Variants in COL20A1 observed in about 807,000 individuals in gnomAD.
COL20A1 encodes collagen alpha-1(XX) chain.
In COL20A1, 164 loss-of-function variants were observed where a neutral mutation model predicts 152.9. The ratio of observed to expected loss-of-function variants is 1.07; its 90% CI spans 0.94 to 1.22. The LOEUF (loss-of-function observed/expected upper bound fraction) is 1.22. Ranked by LOEUF, COL20A1 falls within the 50% of genes most tolerant of loss-of-function variation. COL20A1 has a pLI of 0.00. For synonymous variants in COL20A1, 864 were observed against 756.0 expected (o/e 1.14, Z -2.34); for missense variants, 1,873 against 1,744.8 (o/e 1.07, Z -1.31).
At position 63,310,065 on chromosome 20, in the gene COL20A1, C is replaced by A. The variant is rs1446417157; in HGVS notation, c.1263+150C>A. On this transcript the variant is annotated intron_variant, in intron 10 of 35. Coordinates refer to ENST00000358894, the MANE Select transcript of COL20A1 (RefSeq NM_020882.4). ...GAGGGGCTGACAGCCCAGGGACTCA[C>A]TGGGGAGCTGCGTCTGGGAGGCAGC... 5 of 816,182 alleles carry A rather than the reference C, an allele frequency of 6.1e-6. No individual in the cohort carries two copies. In the East Asian group the frequency reaches 1.4e-4, roughly 22 times the overall value. The allele number at this position is 816,182 out of a possible 1,614,324, so 50.6% of individuals were successfully genotyped here.
chr20:63,316,483 C>A, intron 20 of COL20A1, 70 bp from the exon 21 acceptor site: 1 of 1,411,718 alleles, frequency 7.1e-7, no homozygotes, highest in South Asian at 1.3e-5. Flanking sequence ...GTCCCCGCTC[C>A]TGCCCCTTCC....
chr20:63,330,226 G>T (rs749518389), intron 35 of COL20A1, among the ~76,000 whole-genome samples: 1 of 152,152 alleles, frequency 6.6e-6, no homozygotes, highest in Non-Finnish European at 1.5e-5. Context: ...CAGCAGGTGT[G>T]GGGACAGGGT....
chr20:63,325,200 C>A (rs1297034672), intron 27 of COL20A1: 3 of 669,662 alleles, frequency 4.5e-6, no homozygotes, highest in South Asian at 1.5e-5. Context: ...CTGGCTGTGA[C>A]CCAGAGGGGC....
intron 33 of COL20A1, 54 bp downstream of exon 33, chr20:63,328,181 C>G: frequency 1.2e-6 from 2 of 1,600,450 alleles, no homozygotes; most frequent in Non-Finnish European, 1.7e-6. Context: ...CTGTGCCTAC[C>G]ACACCTGTCT....
chr20:63,294,765 C>T (rs903852143), intron 1 of COL20A1, among the ~76,000 whole-genome samples: 8 of 152,306 alleles, frequency 5.3e-5, no homozygotes, highest in African/African-American at 1.4e-4. Context: ...GCCCCGTGCC[C>T]GTCCCAGCCA....
At position 63,313,393 on chromosome 20, in the gene COL20A1, G is replaced by T. The variant is rs1200839303; in HGVS notation, c.2209+144G>T. The T allele has an allele frequency of 6.4e-6, 6 of 933,956 alleles. No homozygotes were observed. Among genetic ancestry groups the T allele is most frequent in the Non-Finnish European group, 6.3e-6 (4 of 637,646 alleles). The allele number at this position is 933,956 out of a possible 1,614,324, so 57.9% of individuals were successfully genotyped here. ...CCCTGATCACTGGGCCTGGTCGTTG[G>T]AGTCTGCAGCACTTCCTTGAGCTCA... On this transcript the variant is annotated intron_variant, in intron 17 of 35. Transcript: ENST00000358894. This position sits in a 1 kb window ranked among gnomAD's most constrained non-coding sequence, Gnocchi z 5.9.
chr20:63,325,880 C>A (rs1380175725), intron 29 of COL20A1, among the ~76,000 whole-genome samples, 159 bp downstream of exon 29: 3 of 152,054 alleles, frequency 2.0e-5, no homozygotes, highest in Non-Finnish European at 2.9e-5. Flanking sequence ...TGTGGCCTGG[C>A]CAGAAGGCTG....
In COL20A1 at chr20:63,312,670, G is replaced by A. The variant is rs559580853; in HGVS notation, c.1933+121G>A. 2.6e-5 allele frequency: 38 copies of A among 1,465,968 alleles called. No individual in the cohort carries two copies. In the African/African-American group the frequency reaches 4.6e-4, roughly 18 times the overall value. 90.8% of individuals were successfully genotyped at this position (1,465,968 alleles called of 1,614,324 possible). On this transcript the variant is annotated intron_variant, in intron 15 of 35. Transcript: ENST00000358894. The stretch of plus-strand genomic sequence containing the variant: ...CTGGGTCAGTGCTGAGCCAGGTGGG[G>A]ATGGGCACCCGGACGGGTGTGATGG...
intron 2 of COL20A1, among the ~76,000 whole-genome samples, chr20:63,296,599 T>C (rs1288968366): frequency 6.6e-6 from 1 of 152,152 alleles, no homozygotes; most frequent in Non-Finnish European, 1.5e-5. Flanking sequence ...AGTGCCCTGC[T>C]CAGGCCCCAA....
chr20:63,305,637 C>G lies in COL20A1; in HGVS notation c.337+77C>G. On this transcript the variant is annotated intron_variant, in intron 4 of 35. Transcript: ENST00000358894. The surrounding 1 kb of genome is among the most constrained non-coding windows in gnomAD (Gnocchi z 4.9). The stretch of plus-strand genomic sequence containing the variant: ...CCCTCCTCTGGGCTGGGGTCCCACC[C>G]TCCTCCAGGCTGCGTTCCAGCCCCA... 1 of 1,450,272 alleles carries G rather than the reference C, an allele frequency of 6.9e-7. No individual in the cohort carries two copies. Among genetic ancestry groups the G allele is most frequent in the Non-Finnish European group, 9.2e-7 (1 of 1,083,394 alleles). 89.8% of individuals were successfully genotyped at this position (1,450,272 alleles called of 1,614,324 possible). A position where few individuals can be genotyped will look rare whatever the true frequency, so the allele number is the denominator to read the frequency against.
chr20:63,312,904 G>T lies in COL20A1; in HGVS notation c.2046G>T (p.Trp682Cys), dbSNP rs369459285. Residue 682 changes from tryptophan to cysteine, a missense_variant, in exon 16 of 36, where the codon TGG becomes TGT. Trp to Cys is a radical substitution (Grantham distance 215, BLOSUM62 -2). Transcript: ENST00000358894. Reference sequence around the variant, plus strand: ...GCGTGCTTGTCTACCAGATCACGTGGACGCCCCTGGGAGAGGGGAAGGCTC... The same window carrying T: ...GCGTGCTTGTCTACCAGATCACGTGTACGCCCCTGGGAGAGGGGAAGGCTC... ...PSGVLVYQITWTPLGEGKAHE... is the reference protein window; with the variant it reads ...PSGVLVYQITCTPLGEGKAHE... 84 of 1,557,640 alleles carry T rather than the reference G, an allele frequency of 5.4e-5. No homozygotes were observed. The African/African-American group carries it at 1.1e-3, about 20-fold the overall frequency.
intron 6 of COL20A1, 85 bp downstream of exon 6, chr20:63,307,733 C>T (rs887849619): frequency 6.9e-7 from 1 of 1,458,052 alleles, no homozygotes; most frequent in Non-Finnish European, 9.3e-7. Context: ...CTGTGGGGGT[C>T]CCCGTACCAG....
intron 3 of COL20A1, among the ~76,000 whole-genome samples, chr20:63,302,535 G>T (rs1397313807): frequency 6.6e-6 from 1 of 152,124 alleles, no homozygotes; most frequent in African/African-American, 2.4e-5. Context: ...TGGCCAGGCT[G>T]GTCTCGAACT....
chr20:63,323,988 G>A (rs1365235802), intron 27 of COL20A1, among the ~76,000 whole-genome samples: 1 of 152,228 alleles, frequency 6.6e-6, no homozygotes, highest in Non-Finnish European at 1.5e-5. Context: ...CAAAAACACA[G>A]CCATCCTGCC....
In COL20A1 at chr20:63,319,415, GGCC is replaced by G; in HGVS notation, c.2807-68_2807-66del. The G allele has an allele frequency of 1.6e-6, 2 of 1,256,824 alleles. No homozygotes were observed. Among genetic ancestry groups the G allele is most frequent in the Non-Finnish European group, 2.2e-6 (2 of 892,634 alleles). The allele number at this position is 1,256,824 out of a possible 1,614,324, so 77.9% of individuals were successfully genotyped here. ...AGGGCTGCTCCTGTCCTGTCGTGGG[GGCC>G]GCCCTGCTCAAGGTATAGGCCCGGC... On this transcript the variant is annotated intron_variant, in intron 22 of 35. Transcript: ENST00000358894. This position sits in a 1 kb window ranked among gnomAD's most constrained non-coding sequence, Gnocchi z 4.4.
At position 63,334,785 on chromosome 20, in the gene COL20A1, C is replaced by T. The variant is rs2068373200; in HGVS notation, c.*4069C>T. The T allele has an allele frequency of 6.6e-6, 1 of 152,236 alleles. No homozygotes were observed. Among genetic ancestry groups the T allele is most frequent in the Non-Finnish European group, 1.5e-5 (1 of 68,058 alleles). 9.4% of individuals were successfully genotyped at this position (152,236 alleles called of 1,614,324 possible). ...AATTTTAAATAGTAGAAAATAAACC[C>T]TGAAGCAGTGTGCATTCATTAGTAC... is the stretch of plus-strand genomic sequence containing the variant. On this transcript the variant is annotated 3_prime_UTR_variant, in exon 36 of 36. Transcript: ENST00000358894.
intron 27 of COL20A1, 58 bp from the exon 28 acceptor site, chr20:63,325,383 C>G: frequency 7.5e-7 from 1 of 1,334,472 alleles, no homozygotes; most frequent in Non-Finnish European, 1.1e-6. Context: ...CACTCCTTCC[C>G]TGCCCTCCTG....
intron 7 of COL20A1, 146 bp downstream of exon 7, chr20:63,308,236 C>T (rs2067955987): frequency 9.9e-7 from 1 of 1,011,822 alleles, no homozygotes. Context: ...GCAGAGTCAC[C>T]CCCTTGTTTA....
Position 63,314,099 on chromosome 20 carries a change from G to T in COL20A1, c.2386G>T (p.Val796Leu). 1 of 1,612,814 alleles carries T rather than the reference G, an allele frequency of 6.2e-7. No individual in the cohort carries two copies. Among genetic ancestry groups the T allele is most frequent in the Non-Finnish European group, 8.5e-7 (1 of 1,179,768 alleles). ...SVSVPGARSHVTLPDLQAATK... is the reference protein window; with the variant it reads ...SVSVPGARSHLTLPDLQAATK... ...CTCTGTGCCAGGAGCCAGGAGCCAC[G>T]TGACACTGCCCGACCTGCAGGCAGC... The change falls in exon 19 of 36, where the codon GTG (valine) becomes TTG (leucine). Residue 796 changes from valine to leucine, a missense_variant. By Grantham distance (32) the Val-to-Leu change is conservative (BLOSUM62 1). Coordinates refer to ENST00000358894, the MANE Select transcript of COL20A1 (RefSeq NM_020882.4).
Sources: allele counts gnomAD v4.1 joint callset (sites outside exome capture counted in the v4.1 genomes callset), GRCh38; gene constraint gnomAD v4.1.1; non-coding constraint Gnocchi (gnomAD v3.1); transcripts MANE v1.5; gene names NCBI Gene and HGNC (gene_info 2026-07-23, HGNC 2026-07-21).